The following SEMA3E variants were observed in gnomAD, a reference collection of about 807,000 sequenced individuals.
SEMA3E encodes the protein semaphorin-3E.
Under a neutral mutation model 93.6 loss-of-function variants are expected in SEMA3E, and 49 were observed. The ratio of observed to expected loss-of-function variants is 0.52; its 90% confidence interval spans 0.42 to 0.66. The LOEUF is 0.66. Ranked by LOEUF, SEMA3E falls within the 30% of genes least tolerant of loss-of-function variation. The pLI, the probability that SEMA3E is intolerant of heterozygous loss-of-function variation, is 0.00. For missense variants in SEMA3E, 906 were observed against 964.8 expected (o/e 0.94, Z 0.81); for synonymous variants, 363 against 330.7 (o/e 1.10, Z -1.06).
chr7:83,401,171 T>C (rs1788227829), intron 10 of SEMA3E, among the ~76,000 whole-genome samples: 2 of 152,156 alleles, frequency 1.3e-5, no homozygotes, highest in Non-Finnish European at 2.9e-5. Context: ...AAAAATTAAA[T>C]ACTCAACAGT....
intron 4 of SEMA3E, among the ~76,000 whole-genome samples, chr7:83,445,288 T>C (rs1208577136): frequency 6.6e-6 from 1 of 152,174 alleles, no homozygotes. Context: ...TGAGGCAAAA[T>C]TTTTGTTTGT....
At position 83,506,015 on chromosome 7, in the gene SEMA3E, C is replaced by CAA. The variant is rs57051446; in HGVS notation, c.116-15743_116-15742dup. Among the ~76,000 whole-genome samples the CAA allele has an allele frequency of 4.8e-3, 419 of 87,372 alleles. 4 individuals are homozygous for CAA. The highest frequency in any genetic ancestry group is 0.016 in the African/African-American group (387 of 23,688). 57.3% of individuals were successfully genotyped at this position (87,372 alleles called of 152,430 possible). On this transcript the variant is annotated intron_variant, in intron 1 of 16. Coordinates refer to ENST00000643230, the MANE Select transcript of SEMA3E (RefSeq NM_012431.3). ...GGGCAACAGTGCTAGACTCCGTCTC[C>CAA]AAAAAAAAAAAAAAAAAATATATAT...
intron 4 of SEMA3E, among the ~76,000 whole-genome samples, chr7:83,454,220 T>C (rs1382472002): frequency 7.1e-5 from 9 of 127,060 alleles, no homozygotes; most frequent in Admixed American, 1.0e-4. Flanking sequence ...ATGGCGCCAC[T>C]GCACTCCAGC....
chr7:83,444,667 T>G (rs899240994), intron 4 of SEMA3E, among the ~76,000 whole-genome samples: 18 of 133,388 alleles, frequency 1.3e-4, no homozygotes, highest in African/African-American at 4.5e-4. Context: ...AGGCAGAATA[T>G]TCAGCATTTT....
At chr7:83,433,224 A>G (rs993330373) in intron 4 of SEMA3E, among the ~76,000 whole-genome samples, 6 of 151,238 alleles carry the variant, frequency 4.0e-5, no homozygotes, top group Non-Finnish European at 8.8e-5. Context: ...ATTTAAAAAA[A>G]TGATTATCAT....
chr7:83,516,146 AC>A (rs1323886187), intron 1 of SEMA3E, among the ~76,000 whole-genome samples: 2 of 152,192 alleles, frequency 1.3e-5, no homozygotes, highest in Non-Finnish European at 2.9e-5. Context: ...TCATAAATCA[AC>A]CATATAAGTA....
intron 1 of SEMA3E, among the ~76,000 whole-genome samples, chr7:83,608,356 AT>A (rs1450350067): frequency 6.6e-6 from 1 of 152,108 alleles, no homozygotes; most frequent in African/African-American, 2.4e-5. Context: ...TTACTGTATT[AT>A]TTTTTAATAC....
At chr7:83,558,096 A>G (rs1791957542) in intron 1 of SEMA3E, among the ~76,000 whole-genome samples, 1 of 152,152 alleles carries the variant, frequency 6.6e-6, no homozygotes, top group Admixed American at 6.6e-5. Context: ...TATATTCCTA[A>G]TAATAGCTTT....
rs563917680 is a variant in SEMA3E, at chr7:83,395,270, C to T, written c.1459-932G>A. Among the ~76,000 whole-genome samples the T allele has an allele frequency of 8.5e-5, 13 of 152,162 alleles. No homozygotes were observed. The South Asian group carries it at 2.7e-3, about 32-fold the overall frequency. On this transcript the variant is annotated intron_variant, in intron 12 of 16. Transcript: ENST00000643230. ...CAAAATAAAAAAAAGCATAGCTGCTCCGGTTGATATAGGATAGTGGTTAGC... is the reference window on the plus strand; with the variant it reads ...CAAAATAAAAAAAAGCATAGCTGCTTCGGTTGATATAGGATAGTGGTTAGC...
At chr7:83,560,249 C>T (rs1372695955) in intron 1 of SEMA3E, among the ~76,000 whole-genome samples, 2 of 152,000 alleles carry the variant, frequency 1.3e-5, no homozygotes, top group African/African-American at 4.8e-5. Flanking sequence ...AATGTAGGTT[C>T]ATCAGTTTTA....
At chr7:83,370,859 T>G (rs867151042) in intron 16 of SEMA3E, among the ~76,000 whole-genome samples, 1 of 152,196 alleles carries the variant, frequency 6.6e-6, no homozygotes, top group African/African-American at 2.4e-5. Context: ...TGGATACTAA[T>G]TTACTCTTCT....
intron 1 of SEMA3E, among the ~76,000 whole-genome samples, chr7:83,620,981 G>T (rs1256287605): frequency 2.0e-5 from 3 of 152,090 alleles, no homozygotes; most frequent in Non-Finnish European, 2.9e-5. Flanking sequence ...CATAGCATTG[G>T]AAGTTCTGGC....
chr7:83,600,537 C>T (rs1376183758), intron 1 of SEMA3E, among the ~76,000 whole-genome samples: 2 of 109,780 alleles, frequency 1.8e-5, no homozygotes, highest in Non-Finnish European at 3.4e-5. Flanking sequence ...TTAGTAGAGA[C>T]GGGGTTTCAC....
intron 1 of SEMA3E, among the ~76,000 whole-genome samples, chr7:83,631,752 G>A (rs1204906189): frequency 6.6e-6 from 1 of 152,208 alleles, no homozygotes; most frequent in Non-Finnish European, 1.5e-5. Context: ...AAAGGAAAAA[G>A]TTGGTTCAAC....
chr7:83,521,268 A>G (rs1791042809), intron 1 of SEMA3E, among the ~76,000 whole-genome samples: 1 of 152,098 alleles, frequency 6.6e-6, no homozygotes, highest in African/African-American at 2.4e-5. Context: ...ACTTTTACCA[A>G]GACAAACAGG....
chr7:83,600,501 T>TG (rs1199039786), intron 1 of SEMA3E, among the ~76,000 whole-genome samples: 5 of 128,006 alleles, frequency 3.9e-5, no homozygotes. Flanking sequence ...TTTTTTTTTT[T>TG]TTTTTTTTTT....
chr7:83,450,924 G>A (rs1789346694), intron 4 of SEMA3E, among the ~76,000 whole-genome samples: 2 of 152,274 alleles, frequency 1.3e-5, no homozygotes, highest in South Asian at 2.1e-4. Context: ...GGGGCAATAA[G>A]CTTTGGTTGT....
rs1001221609 is a variant in SEMA3E at position 83,601,776 on chromosome 7, G to A, written c.115+46652C>T. On this transcript the variant is annotated intron_variant, in intron 1 of 16. Coordinates refer to ENST00000643230, the MANE Select transcript of SEMA3E (RefSeq NM_012431.3). ...CTCCTTCCTGAGATCTTAATGTACT[G>A]TCAGGTCCTGATGCTTCTGCCTTCT... Among the ~76,000 whole-genome samples the A allele has an allele frequency of 1.2e-4, 18 of 152,266 alleles. 1 individual carries two copies. Among genetic ancestry groups the A allele is most frequent in the Non-Finnish European group, 4.4e-5 (3 of 68,020 alleles).
intron 1 of SEMA3E, among the ~76,000 whole-genome samples, chr7:83,607,382 AT>A (rs1397494461): frequency 4.3e-4 from 65 of 152,140 alleles, no homozygotes; most frequent in Admixed American, 1.3e-4. Context: ...TACTCTTGTA[AT>A]TTCATTGCCA....
Sources: allele counts gnomAD v4.1 joint callset (sites outside exome capture counted in the v4.1 genomes callset), GRCh38; gene constraint gnomAD v4.1.1; transcripts MANE v1.5; gene names NCBI Gene and HGNC (gene_info 2026-07-23, HGNC 2026-07-21).